The following COL21A1 variants were observed in gnomAD, a reference collection of about 807,000 sequenced individuals.
COL21A1 encodes collagen type XXI alpha 1 chain, also known as collagen alpha-1(XXI) chain.
Under a neutral mutation model 137.9 loss-of-function variants are expected in COL21A1, and 149 were observed. That is an observed-to-expected ratio of 1.08 (90% CI 0.95 to 1.24). The LOEUF is 1.24. Among genes scored for constraint, COL21A1 ranks in the 50% most tolerant of loss-of-function variants. COL21A1 has a pLI of 0.00. For missense variants in COL21A1, 1,167 were observed against 1,158.4 expected (o/e 1.01, Z -0.11); for synonymous variants, 456 against 391.5 (o/e 1.16, Z -1.95).
In COL21A1 at chr6:56,125,623, A is replaced by G. The variant is rs1176365549; in HGVS notation, c.1597-3T>C. ...TCTCCTTTGGCACCCATTTCACCCT[A>G]AAAGACAAAATATAAATAGTGAATA... On this transcript the variant is annotated splice_polypyrimidine_tract_variant and splice_region_variant and intron_variant, in intron 13 of 29. Coordinates refer to ENST00000244728, the MANE Select transcript of COL21A1 (RefSeq NM_030820.4). 1 of 1,561,806 alleles carries G rather than the reference A, an allele frequency of 6.4e-7. No individual in the cohort carries two copies. The highest frequency in any genetic ancestry group is 1.8e-5 in the Admixed American group (1 of 56,870).
At chr6:56,126,258 G>A (rs1773044900) in intron 12 of COL21A1, 109 bp from the exon 13 acceptor site, 2 of 671,102 alleles carry the variant, frequency 3.0e-6, no homozygotes, top group Non-Finnish European at 5.1e-6. Flanking sequence ...AAATCTATCT[G>A]CAAACAGTTA....
intron 16 of COL21A1, among the ~76,000 whole-genome samples, chr6:56,107,880 A>C (rs1474926201): frequency 6.6e-6 from 1 of 152,098 alleles, no homozygotes; most frequent in African/African-American, 2.4e-5. Context: ...GATAAAGTGT[A>C]AAAAGTATTT....
At chr6:56,250,145 T>G (rs907290491), upstream of COL21A1, among the ~76,000 whole-genome samples, 30 of 152,202 alleles carry the variant, frequency 2.0e-4, no homozygotes, top group Non-Finnish European at 4.0e-4. Flanking sequence ...GGCACATACA[T>G]ACTTAGGGAA....
At chr6:56,159,529 C>T (rs948065887) in intron 9 of COL21A1, among the ~76,000 whole-genome samples, 5 of 151,814 alleles carry the variant, frequency 3.3e-5, no homozygotes, top group South Asian at 2.1e-4. Context: ...GACAGGGTTT[C>T]GCCATGTTGG....
intron 1 of COL21A1, among the ~76,000 whole-genome samples, chr6:56,382,608 T>C (rs2094010658): frequency 6.6e-6 from 1 of 152,090 alleles, no homozygotes; most frequent in Non-Finnish European, 1.5e-5. Context: ...ATAGGATTGG[T>C]GGTTTTATAA....
rs543702082 is a variant in COL21A1, at chr6:56,158,961, G to A, written c.1372-2012C>T. Among the ~76,000 whole-genome samples the A allele has an allele frequency of 1.2e-4, 18 of 152,230 alleles. No homozygotes were observed. The South Asian group carries it at 3.7e-3, about 32-fold the overall frequency. ...AATCCAAGGACTTGCAGTGGTGGCTGGGCATTAGGAAACAACTTTCTGTGT... is the reference window on the plus strand; with the variant it reads ...AATCCAAGGACTTGCAGTGGTGGCTAGGCATTAGGAAACAACTTTCTGTGT... On this transcript the variant is annotated intron_variant, in intron 9 of 29. Coordinates refer to ENST00000244728, the MANE Select transcript of COL21A1 (RefSeq NM_030820.4).
intron 1 of COL21A1, among the ~76,000 whole-genome samples, chr6:56,202,403 G>A (rs1404251757): frequency 6.6e-6 from 1 of 152,090 alleles, no homozygotes; most frequent in Non-Finnish European, 1.5e-5. Context: ...AAATTTAATG[G>A]ATAACTCATA....
chr6:56,128,383 G>A (rs150975186), intron 12 of COL21A1, among the ~76,000 whole-genome samples: 160 of 152,260 alleles, frequency 1.1e-3, no homozygotes, highest in African/African-American at 3.7e-3. Flanking sequence ...TAACGTTCCT[G>A]TGATATTTGG....
intron 17 of COL21A1, among the ~76,000 whole-genome samples, chr6:56,098,598 T>C (rs1361041219): frequency 4.7e-4 from 7 of 14,898 alleles, no homozygotes; most frequent in Admixed American, 1.2e-3. Flanking sequence ...TATATAAATA[T>C]ATATATAAAT....
At chr6:56,116,699 TAGAA>T (rs1771964031) in intron 16 of COL21A1, among the ~76,000 whole-genome samples, 1 of 152,014 alleles carries the variant, frequency 6.6e-6, no homozygotes, top group Admixed American at 6.5e-5. Context: ...TTATCCTAAA[TAGAA>T]AGACTAAATA....
At chr6:56,324,734 G>T (rs1213036116) in intron 1 of COL21A1, among the ~76,000 whole-genome samples, 1 of 151,936 alleles carries the variant, frequency 6.6e-6, no homozygotes, top group Non-Finnish European at 1.5e-5. Flanking sequence ...AACTGATGGG[G>T]TTCAAAACAT....
At chr6:56,369,627 A>G (rs1166533538) in intron 1 of COL21A1, among the ~76,000 whole-genome samples, 1 of 152,238 alleles carries the variant, frequency 6.6e-6, no homozygotes, top group Non-Finnish European at 1.5e-5. Flanking sequence ...AAGATATGAT[A>G]AAAGGAGTTA....
intron 1 of COL21A1, chr6:56,276,815 T>G (rs1763672853): frequency 4.8e-5 from 43 of 893,004 alleles, no homozygotes; most frequent in Non-Finnish European, 7.1e-5. Context: ...TTGTTTTTTT[T>G]GTTTTTTTTT....
chr6:56,126,442 C>T lies in COL21A1; in HGVS notation c.1543-293G>A, dbSNP rs180816323. 5.8e-5 allele frequency: 17 copies of T among 293,348 alleles called. No individual in the cohort carries two copies. In the Admixed American group the frequency reaches 6.9e-4, roughly 12 times the overall value. 18.2% of individuals were successfully genotyped at this position (293,348 alleles called of 1,614,324 possible). ...AAAAAGTCTTAGGCTTTTACAGGGG[C>T]AAGACACATGAATTAATTGAAATGA... is the stretch of plus-strand genomic sequence containing the variant. On this transcript the variant is annotated intron_variant, in intron 12 of 29. Coordinates refer to ENST00000244728, the MANE Select transcript of COL21A1 (RefSeq NM_030820.4).
At chr6:56,164,360 G>A in intron 9 of COL21A1, 63 bp downstream of exon 9, 1 of 1,071,852 alleles carries the variant, frequency 9.3e-7, no homozygotes, top group Non-Finnish European at 1.4e-6. Context: ...ATTAGGAATT[G>A]TATGGTTTAC....
At chr6:56,346,396 C>T (rs921192262) in intron 1 of COL21A1, among the ~76,000 whole-genome samples, 4 of 152,206 alleles carry the variant, frequency 2.6e-5, no homozygotes, top group Admixed American at 1.3e-4. Flanking sequence ...GTTCCACTCA[C>T]GTTGTTGCAG....
intron 1 of COL21A1, among the ~76,000 whole-genome samples, chr6:56,349,794 T>C (rs1765671609): frequency 6.6e-6 from 1 of 152,198 alleles, no homozygotes; most frequent in African/African-American, 2.4e-5. Flanking sequence ...CATTTTGTTG[T>C]CAAAAGAAAG....
intron 3 of COL21A1, among the ~76,000 whole-genome samples, chr6:56,176,212 A>G (rs1192835901): frequency 6.6e-6 from 1 of 152,134 alleles, no homozygotes; most frequent in African/African-American, 2.4e-5. Context: ...CAGCCTCGTA[A>G]TGATTTCTTG....
At chr6:56,250,954 C>G (rs577224511), upstream of COL21A1, among the ~76,000 whole-genome samples, 18 of 152,126 alleles carry the variant, frequency 1.2e-4, no homozygotes, top group South Asian at 3.5e-3. Flanking sequence ...TGTTTTAGAA[C>G]ATTATTGTGC....
Sources: allele counts gnomAD v4.1 joint callset (sites outside exome capture counted in the v4.1 genomes callset), GRCh38; gene constraint gnomAD v4.1.1; transcripts MANE v1.5; gene names NCBI Gene and HGNC (gene_info 2026-07-23, HGNC 2026-07-21).